The following SHANK2 variants were observed in gnomAD, a reference collection of about 807,000 sequenced individuals.
SHANK2 encodes SH3 and multiple ankyrin repeat domains protein 2.
A neutral mutation model predicts 133.7 loss-of-function variants in SHANK2; 43 were observed. The observed-to-expected ratio is 0.32, with a 90% CI of 0.25 to 0.41. The LOEUF (loss-of-function observed/expected upper bound fraction) is 0.41. Among genes scored for constraint, SHANK2 ranks in the 10% least tolerant of loss-of-function variants. The pLI is 1.00. For synonymous variants in SHANK2, 1,017 were observed against 952.8 expected, an observed-to-expected ratio of 1.07 and a Z score of -1.24; for missense variants, 1,994 against 2,235.8, an observed-to-expected ratio of 0.89 and a Z score of 2.18.
At chr11:71,088,278 A>G (rs1355263036) in intron 8 of SHANK2, among the ~76,000 whole-genome samples, 2 of 152,158 alleles carry the variant, frequency 1.3e-5, no homozygotes, top group African/African-American at 2.4e-5. Flanking sequence ...CAATTCTTCA[A>G]AATACTATTT....
intron 10 of SHANK2, among the ~76,000 whole-genome samples, chr11:70,955,422 G>GGGGGGT (rs1220747460): frequency 6.8e-6 from 1 of 146,458 alleles, no homozygotes; most frequent in South Asian, 2.2e-4. Flanking sequence ...AGACCCACGG[G>GGGGGGT]GTGTGTGTGT....
In SHANK2 at chr11:70,470,283, G is replaced by A. The variant is rs1221615007; in HGVS notation, c.*2586C>T. 1 of 152,326 alleles carries A rather than the reference G, an allele frequency of 6.6e-6. No individual in the cohort carries two copies. The highest frequency in any genetic ancestry group is 1.5e-5 in the Non-Finnish European group (1 of 68,036). The allele number at this position is 152,326 out of a possible 1,614,324, so 9.4% of individuals were successfully genotyped here. A position where few individuals can be genotyped will look rare whatever the true frequency, so the allele number is the denominator to read the frequency against. ...ATAAGACAGTGTAAAAATAAACTATGTTATCAGCTCTTTAGTCTTGCAGCC... is the reference window on the plus strand; with the variant it reads ...ATAAGACAGTGTAAAAATAAACTATATTATCAGCTCTTTAGTCTTGCAGCC... On this transcript the variant is annotated 3_prime_UTR_variant, in exon 26 of 26. Transcript: ENST00000601538.
chr11:71,167,889 A>C, intron 2 of SHANK2, among the ~76,000 whole-genome samples: 1 of 137,808 alleles, frequency 7.3e-6, no homozygotes, highest in Non-Finnish European at 1.6e-5. Context: ...GGCGCCCCTC[A>C]CCTCCCGGAC....
At chr11:71,204,330 G>A (rs1307187969) in intron 2 of SHANK2, among the ~76,000 whole-genome samples, 6 of 152,366 alleles carry the variant, frequency 3.9e-5, no homozygotes, top group African/African-American at 2.4e-5. Flanking sequence ...ACGGGCAGAG[G>A]GCCCCTGCTG....
intron 11 of SHANK2, among the ~76,000 whole-genome samples, chr11:70,852,767 C>T (rs1949106904): frequency 6.6e-6 from 1 of 152,320 alleles, no homozygotes; most frequent in African/African-American, 2.4e-5. Flanking sequence ...CGCTTGAACC[C>T]AGGAGGCGGA....
intron 14 of SHANK2, among the ~76,000 whole-genome samples, chr11:70,719,038 C>T (rs1389604828): frequency 1.3e-5 from 2 of 152,218 alleles, no homozygotes; most frequent in African/African-American, 4.8e-5. Flanking sequence ...ATACAGTAGG[C>T]ACGCAAGGAA....
At chr11:70,692,598 C>T (rs1945313667) in intron 15 of SHANK2, among the ~76,000 whole-genome samples, 1 of 152,190 alleles carries the variant, frequency 6.6e-6, no homozygotes, top group Non-Finnish European at 1.5e-5. Flanking sequence ...TAGAAAGAGC[C>T]TCAGGAACCC....
intron 17 of SHANK2, among the ~76,000 whole-genome samples, chr11:70,637,845 G>A (rs1555004927): frequency 6.6e-6 from 1 of 152,232 alleles, no homozygotes; most frequent in Admixed American, 6.5e-5. Flanking sequence ...GCCTCAGGCT[G>A]ACCAGTGAGT....
chr11:70,734,678 G>A (rs113699743), intron 14 of SHANK2, among the ~76,000 whole-genome samples: 2,107 of 152,340 alleles, frequency 0.014, 50 homozygotes, highest in African/African-American at 0.048. Flanking sequence ...CTTTCAGCAG[G>A]GGCCCCACAG....
chr11:70,529,153 A>G (rs1337589508), intron 17 of SHANK2, among the ~76,000 whole-genome samples: 1 of 152,130 alleles, frequency 6.6e-6, no homozygotes, highest in African/African-American at 2.4e-5. Context: ...GGCCAGGACC[A>G]GTGTCTCATG....
intron 14 of SHANK2, among the ~76,000 whole-genome samples, chr11:70,699,882 C>T (rs1196081572): frequency 6.6e-6 from 1 of 152,212 alleles, no homozygotes; most frequent in Non-Finnish European, 1.5e-5. Context: ...GACTAGTTCT[C>T]ACCACTGAGA....
rs1951726410 is a variant in SHANK2 at position 71,102,253 on chromosome 11, G to T, written c.593-7565C>A. On this transcript the variant is annotated intron_variant, in intron 6 of 25. Transcript: ENST00000601538. ...GAGGCCTGAGACTCTGCTGGAGGAA[G>T]TCTTTATTTTTTTTTTTTACACTAC... is the stretch of plus-strand genomic sequence containing the variant. 1.3e-5 allele frequency among the ~76,000 whole-genome samples: 2 copies of T among 151,538 alleles called. 1 individual carries two copies. Among genetic ancestry groups the T allele is most frequent in the South Asian group, 4.1e-4 (2 of 4,822 alleles).
rs1555055539 is a variant in SHANK2, at chr11:70,820,417, C to A, written c.1440G>T (p.Arg480Ser). ...GPRSRSPSLNRLGGAGEDGKR... is the reference protein window; with the variant it reads ...GPRSRSPSLNSLGGAGEDGKR... ...TGCCGTCCTCGCCTGCGCCGCCCAG[C>A]CTGTTGAGCGATGGGGACCGGCTGC... Residue 480 changes from arginine (R) to serine (S), a missense_variant, in exon 12 of 26, where the codon AGG becomes AGT. Coordinates refer to ENST00000601538, the MANE Select transcript of SHANK2 (RefSeq NM_012309.5). 2.9e-6 allele frequency: 2 copies of A among 700,856 alleles called. No individual in the cohort carries two copies. Among genetic ancestry groups the A allele is most frequent in the East Asian group, 2.7e-5 (1 of 36,770 alleles). 43.4% of individuals were successfully genotyped at this position (700,856 alleles called of 1,614,324 possible).
At chr11:70,589,387 C>G (rs2060293633) in intron 17 of SHANK2, among the ~76,000 whole-genome samples, 1 of 152,212 alleles carries the variant, frequency 6.6e-6, no homozygotes, top group Non-Finnish European at 1.5e-5. Flanking sequence ...TGGCTATTTA[C>G]AGCATGAATA....
intron 2 of SHANK2, among the ~76,000 whole-genome samples, chr11:71,198,052 C>T (rs1434178632): frequency 6.6e-6 from 1 of 152,170 alleles, no homozygotes; most frequent in South Asian, 2.1e-4. Flanking sequence ...GTGCCGTTTC[C>T]GGTCAGCTCC....
rs143339324 is a variant in SHANK2, at chr11:70,663,933, A to G, written c.1854-2255T>C. On this transcript the variant is annotated intron_variant, in intron 15 of 25. Coordinates refer to ENST00000601538, the MANE Select transcript of SHANK2 (RefSeq NM_012309.5). Reference sequence around the variant, plus strand: ...TCCCTGCACAGCAAGAGTGGGTAAGAACAAACCTACAGGCCTCTTGGGATC... The same window carrying G: ...TCCCTGCACAGCAAGAGTGGGTAAGGACAAACCTACAGGCCTCTTGGGATC... Among the ~76,000 whole-genome samples the G allele has an allele frequency of 8.5e-4, 129 of 152,312 alleles. 1 individual carries two copies. The highest frequency in any genetic ancestry group is 4.4e-3 in the Admixed American group (67 of 15,306).
At chr11:70,724,478 C>T (rs1555030088) in intron 14 of SHANK2, among the ~76,000 whole-genome samples, 1 of 152,180 alleles carries the variant, frequency 6.6e-6, no homozygotes, top group Non-Finnish European at 1.5e-5. Context: ...TGTCAGAGGA[C>T]TCCATGTCAC....
chr11:70,862,334 G>A (rs1012864368), intron 11 of SHANK2, among the ~76,000 whole-genome samples: 2 of 152,224 alleles, frequency 1.3e-5, no homozygotes. Flanking sequence ...CTGGGGTGGA[G>A]ACTGGGTTGT....
chr11:71,241,178 G>A (rs1565532930), intron 1 of SHANK2, among the ~76,000 whole-genome samples: 1 of 152,106 alleles, frequency 6.6e-6, no homozygotes, highest in Non-Finnish European at 1.5e-5. Flanking sequence ...AGCCCCGCCA[G>A]CCCTGCATAG....
Sources: allele counts gnomAD v4.1 joint callset (sites outside exome capture counted in the v4.1 genomes callset), GRCh38; gene constraint gnomAD v4.1.1; transcripts MANE v1.5; gene names NCBI Gene and HGNC (gene_info 2026-07-23, HGNC 2026-07-21).